Variants in SND1 observed in about 807,000 individuals in gnomAD.
SND1 encodes the protein staphylococcal nuclease and tudor domain containing 1.
SND1 carries 38 observed loss-of-function variants against 121.7 expected under a neutral mutation model. The ratio of observed to expected loss-of-function variants is 0.31; its 90% CI spans 0.24 to 0.41. The LOEUF is 0.41. Ranked by LOEUF, SND1 falls within the 10% of genes least tolerant of loss-of-function variation. The probability of loss-of-function intolerance (pLI) is 1.00; values close to 1 mark genes in which losing one functional copy is unlikely to be tolerated. For synonymous variants in SND1, 401 were observed against 447.4 expected (o/e 0.90, Z 1.31); for missense variants, 868 against 1,184.6 (o/e 0.73, Z 3.92).
chr7:127,873,934 G>A (rs1434416246), intron 12 of SND1, among the ~76,000 whole-genome samples: 1 of 152,164 alleles, frequency 6.6e-6, no homozygotes, highest in Non-Finnish European at 1.5e-5. Context: ...GGGACATTAT[G>A]AAGAGCTAAT....
At chr7:128,049,634 C>A (rs1006042279) in intron 16 of SND1, among the ~76,000 whole-genome samples, 1 of 152,152 alleles carries the variant, frequency 6.6e-6, no homozygotes, top group East Asian at 1.9e-4. Flanking sequence ...GCAGCGTGGA[C>A]CTTGGAATCA....
chr7:128,043,084 G>A (rs1335632253), intron 16 of SND1, among the ~76,000 whole-genome samples: 1 of 152,170 alleles, frequency 6.6e-6, no homozygotes, highest in African/African-American at 2.4e-5. Context: ...GCTGGGCTTA[G>A]TCTTCTACCC....
intron 22 of SND1, among the ~76,000 whole-genome samples, chr7:128,090,035 G>T (rs1173859308): frequency 6.6e-6 from 1 of 152,092 alleles, no homozygotes; most frequent in Non-Finnish European, 1.5e-5. Context: ...CTGTCCAACA[G>T]ACAGCTTCCA....
At chr7:127,852,938 T>C (rs189031506) in intron 12 of SND1, among the ~76,000 whole-genome samples, 1 of 152,382 alleles carries the variant, frequency 6.6e-6, no homozygotes, top group Non-Finnish European at 1.5e-5. Context: ...TTGTAAACTT[T>C]CATCTGCATT....
chr7:128,019,321 C>T (rs1342146732), intron 16 of SND1, among the ~76,000 whole-genome samples: 1 of 152,240 alleles, frequency 6.6e-6, no homozygotes, highest in African/African-American at 2.4e-5. Flanking sequence ...CCATCAATAG[C>T]ACATCCTCCT....
intron 10 of SND1, among the ~76,000 whole-genome samples, chr7:127,735,248 G>GCATTGAGTGGAC (rs1288038566): frequency 9.2e-6 from 1 of 108,542 alleles, no homozygotes; most frequent in Admixed American, 1.0e-4. Context: ...CTTCTCCTTA[G>GCATTGAGTGGAC]TATTGAGTGG....
At chr7:128,051,385 T>G (rs757333838) in intron 16 of SND1, among the ~76,000 whole-genome samples, 5 of 148,734 alleles carry the variant, frequency 3.4e-5, no homozygotes, top group Admixed American at 6.6e-5. Context: ...ACAAGTCCCA[T>G]GTTTAAGTTC....
At chr7:127,883,695 G>A (rs979262378) in intron 12 of SND1, among the ~76,000 whole-genome samples, 2 of 152,106 alleles carry the variant, frequency 1.3e-5, no homozygotes, top group Non-Finnish European at 2.9e-5. Context: ...TGTTCTAATG[G>A]AATACTTCAA....
chr7:127,679,010 G>GTGCA (rs1475207106), intron 1 of SND1: 1 of 152,216 alleles, frequency 6.6e-6, no homozygotes, highest in Non-Finnish European at 1.5e-5. Flanking sequence ...GTCCCTGCAT[G>GTGCA]TGCAGCCTTT....
chr7:128,055,182 G>A lies in SND1; in HGVS notation c.1780-19320G>A, dbSNP rs549281482. ...AGCATGAAAAAGGTAGATCCAGTCA[G>A]GGGGTTGGGAGGCAGGAAGGTGGGC... On this transcript the variant is annotated intron_variant, in intron 16 of 23. Coordinates refer to ENST00000354725, the MANE Select transcript of SND1 (RefSeq NM_014390.4). Among the ~76,000 whole-genome samples the A allele has an allele frequency of 1.3e-4, 20 of 152,314 alleles. No individual in the cohort carries two copies. The South Asian group carries it at 4.1e-3, about 32-fold the overall frequency.
intron 11 of SND1, among the ~76,000 whole-genome samples, chr7:127,832,323 A>G (rs1798755885): frequency 6.6e-6 from 1 of 152,242 alleles, no homozygotes; most frequent in African/African-American, 2.4e-5. Flanking sequence ...ATGTTAGTAG[A>G]ATTGCCAGCC....
intron 10 of SND1, among the ~76,000 whole-genome samples, chr7:127,795,134 T>A (rs1797991693): frequency 6.6e-6 from 1 of 152,238 alleles, no homozygotes; most frequent in Non-Finnish European, 1.5e-5. Flanking sequence ...TCTTCACAAC[T>A]ATTAGCTAGG....
intron 11 of SND1, among the ~76,000 whole-genome samples, chr7:127,842,905 T>C (rs1261195823): frequency 2.0e-5 from 3 of 152,172 alleles, no homozygotes; most frequent in Non-Finnish European, 4.4e-5. Context: ...AGGCAGTTCA[T>C]ATTTTTAAAT....
intron 13 of SND1, among the ~76,000 whole-genome samples, chr7:127,897,227 G>A (rs574880447): frequency 8.6e-4 from 131 of 152,236 alleles, no homozygotes; most frequent in Non-Finnish European, 1.4e-3. Context: ...CAAGGCCAGA[G>A]AGCCAAATCT....
intron 10 of SND1, among the ~76,000 whole-genome samples, chr7:127,740,521 G>C (rs2116432711): frequency 6.6e-6 from 1 of 152,330 alleles, no homozygotes; most frequent in Non-Finnish European, 1.5e-5. Flanking sequence ...GTCTGACTCT[G>C]TAGCAACATG....
At chr7:127,689,203 A>G (rs995547760) in intron 2 of SND1, among the ~76,000 whole-genome samples, 1 of 152,256 alleles carries the variant, frequency 6.6e-6, no homozygotes, top group Non-Finnish European at 1.5e-5. Flanking sequence ...AGTTGTGGTA[A>G]TCACTACTAC....
intron 1 of SND1, among the ~76,000 whole-genome samples, chr7:127,664,773 C>G (rs1027513953): frequency 6.6e-6 from 1 of 152,150 alleles, no homozygotes; most frequent in Non-Finnish European, 1.5e-5. Context: ...GGATCTGACA[C>G]TAATTCCAGG....
chr7:128,030,787 C>T (rs933353550), intron 16 of SND1: 3 of 1,057,136 alleles, frequency 2.8e-6, no homozygotes, highest in East Asian at 2.8e-5. Context: ...CGGAGCGGAT[C>T]GGCCGAAAAA....
At chr7:127,761,987 C>T (rs1462593819) in intron 10 of SND1, among the ~76,000 whole-genome samples, 4 of 152,080 alleles carry the variant, frequency 2.6e-5, no homozygotes, top group African/African-American at 9.7e-5. Flanking sequence ...CTTGGAAATA[C>T]CCGAGGCTCT....
Sources: gnomAD v4.1 joint callset for allele counts (sites outside exome capture counted in the v4.1 genomes callset) on GRCh38, gnomAD v4.1.1 for gene constraint, MANE v1.5 for transcripts, NCBI Gene and HGNC (gene_info 2026-07-23, HGNC 2026-07-21) for gene names.